Variants in LSP1 observed in about 807,000 individuals in gnomAD.
The protein encoded by LSP1 is lymphocyte-specific protein 1.
LSP1 carries 32 observed loss-of-function variants against 49.3 expected under a neutral mutation model. That is an observed-to-expected ratio of 0.65 (90% CI 0.49 to 0.87). LSP1 has a LOEUF of 0.87. Ranked by LOEUF, LSP1 falls within the 40% of genes least tolerant of loss-of-function variation. The probability of loss-of-function intolerance (pLI) is 0.00; values close to 1 mark genes in which losing one functional copy is unlikely to be tolerated. For missense variants in LSP1, 428 were observed against 442.6 expected (o/e 0.97, Z 0.30); for synonymous variants, 179 against 178.8 (o/e 1.00, Z -0.01).
At chr11:1,855,818 G>A (rs1589803105) in intron 1 of LSP1, among the ~76,000 whole-genome samples, 1 of 152,304 alleles carries the variant, frequency 6.6e-6, no homozygotes, top group East Asian at 1.9e-4. Flanking sequence ...TGGTGACGCT[G>A]GGGGATGCCT....
At chr11:1,866,694 G>A (rs1333563092) in intron 1 of LSP1, 2 of 1,550,444 alleles carry the variant, frequency 1.3e-6, no homozygotes, top group Non-Finnish European at 1.7e-6. Flanking sequence ...GGACGCTGCT[G>A]TCCACCAGGA....
In LSP1 at chr11:1,876,464, T is replaced by C. The variant is rs1318082357; in HGVS notation, c.54-3623T>C. The C allele has an allele frequency of 3.0e-6, 3 of 985,548 alleles. No individual in the cohort carries two copies. In the African/African-American group the frequency reaches 5.2e-5, roughly 17 times the overall value. The allele number at this position is 985,548 out of a possible 1,614,324, so 61.1% of individuals were successfully genotyped here. ...CCCCTCGACATCCTCCCCGCAGCCC[T>C]TGCTCTTCACCAGAGCCTCCTCACT... is the stretch of plus-strand genomic sequence containing the variant. On this transcript the variant is annotated intron_variant, in intron 1 of 10. Transcript: ENST00000311604.
rs141576338 is a variant in LSP1, at chr11:1,883,392, C to T, written c.357-27C>T. 183 of 1,613,194 alleles carry T rather than the reference C, an allele frequency of 1.1e-4. 2 individuals are homozygous for T. The East Asian group carries it at 3.3e-3, about 29-fold the overall frequency. ...ACCAAGCAATCCAATGGCCCTAGAA[C>T]GGCTTTGCCTCCCTTTCCACCCACA... On this transcript the variant is annotated intron_variant, in intron 3 of 10. Coordinates refer to ENST00000311604, the MANE Select transcript of LSP1 (RefSeq NM_002339.3).
intron 10 of LSP1, chr11:1,889,447 T>TG: frequency 1.5e-6 from 1 of 646,050 alleles, no homozygotes; most frequent in Non-Finnish European, 2.9e-6. Flanking sequence ...TCCTGCTCTG[T>TG]GGGGGCAGGC....
chr11:1,885,089 C>G (rs565800789), intron 7 of LSP1, among the ~76,000 whole-genome samples: 225 of 151,742 alleles, frequency 1.5e-3, no homozygotes, highest in African/African-American at 5.2e-3. Flanking sequence ...ATTCATCCCT[C>G]CATCCAATAC....
intron 10 of LSP1, chr11:1,889,518 G>T: frequency 3.2e-6 from 2 of 617,958 alleles, no homozygotes. Flanking sequence ...CTCTGGGCAC[G>T]GAGGCTCTGG....
intron 1 of LSP1, among the ~76,000 whole-genome samples, chr11:1,855,867 TG>T (rs1443920028): frequency 1.3e-5 from 2 of 152,140 alleles, no homozygotes; most frequent in Non-Finnish European, 2.9e-5. Flanking sequence ...CTCCCCACAC[TG>T]AGGAACTATC....
chr11:1,882,548 T>C (rs1215937719), intron 3 of LSP1, among the ~76,000 whole-genome samples: 1 of 152,022 alleles, frequency 6.6e-6, no homozygotes, highest in Non-Finnish European at 1.5e-5. Flanking sequence ...TCAGCGGCTC[T>C]GCTTTTCTGA....
intron 10 of LSP1, chr11:1,891,328 G>C (rs915892236): frequency 3.3e-5 from 5 of 152,302 alleles, no homozygotes; most frequent in African/African-American, 9.6e-5. Context: ...GTTTGGGGAA[G>C]GAGGGAGTCC....
intron 2 of LSP1, 63 bp downstream of exon 2, chr11:1,880,287 C>T: frequency 6.8e-7 from 1 of 1,465,262 alleles, no homozygotes; most frequent in Non-Finnish European, 9.0e-7. Context: ...GGGGCCTGGG[C>T]AGAGGGGGAG....
intron 1 of LSP1, among the ~76,000 whole-genome samples, chr11:1,872,555 T>G (rs1211997730): frequency 3.8e-5 from 5 of 133,184 alleles, no homozygotes; most frequent in African/African-American, 5.9e-5. Context: ...TTGGGGTCTG[T>G]CTGGCTGGCG....
At chr11:1,871,924 G>A (rs1329385267) in intron 1 of LSP1, among the ~76,000 whole-genome samples, 3 of 142,056 alleles carry the variant, frequency 2.1e-5, no homozygotes, top group Admixed American at 1.4e-4. Flanking sequence ...ACTTTTGGGA[G>A]GGGGGGTGTG....
At chr11:1,872,425 C>T (rs113351962) in intron 1 of LSP1, among the ~76,000 whole-genome samples, 1,250 of 108,020 alleles carry the variant, frequency 0.012, 21 homozygotes, top group African/African-American at 0.039. Flanking sequence ...GCCTGGGCTG[C>T]AGTCATCCTG....
chr11:1,890,328 C>A, intron 10 of LSP1: 1 of 712,950 alleles, frequency 1.4e-6, no homozygotes, highest in South Asian at 1.5e-5. Flanking sequence ...GGGGTGCGGG[C>A]CCTCAGCAGC....
chr11:1,881,214 A>C, intron 2 of LSP1: 3 of 507,262 alleles, frequency 5.9e-6, no homozygotes, highest in Non-Finnish European at 1.0e-5. Context: ...TGATGGAGGA[A>C]GCACAGTTCT....
chr11:1,866,603 C>T, intron 1 of LSP1: 1 of 1,550,154 alleles, frequency 6.5e-7, no homozygotes, highest in Non-Finnish European at 8.7e-7. Flanking sequence ...CCCTGGCCCC[C>T]CATAAGCCTC....
intron 1 of LSP1, among the ~76,000 whole-genome samples, chr11:1,867,659 T>C (rs1276338531): frequency 6.6e-6 from 1 of 152,104 alleles, no homozygotes; most frequent in African/African-American, 2.4e-5. Flanking sequence ...CCATGTCAGG[T>C]GCAGGGCTGG....
intron 1 of LSP1, chr11:1,866,761 G>A (rs1202288341): frequency 6.5e-7 from 1 of 1,550,378 alleles, no homozygotes; most frequent in African/African-American, 1.4e-5. Flanking sequence ...GCTCACCAGT[G>A]CTACTTAACA....
intron 1 of LSP1, among the ~76,000 whole-genome samples, chr11:1,864,553 T>C (rs1314745428): frequency 6.6e-6 from 1 of 151,686 alleles, no homozygotes; most frequent in African/African-American, 2.4e-5. Context: ...AGCCCCACGC[T>C]GCTGGGCTGG....
Sources: allele counts gnomAD v4.1 joint callset (sites outside exome capture counted in the v4.1 genomes callset), GRCh38; gene constraint gnomAD v4.1.1; transcripts MANE v1.5; gene names NCBI Gene and HGNC (gene_info 2026-07-23, HGNC 2026-07-21).